The following SLC9A7 variants were observed in gnomAD, a reference collection of about 807,000 sequenced individuals.
The protein encoded by SLC9A7 is solute carrier family 9 member A7.
A neutral mutation model predicts 52.6 loss-of-function variants in SLC9A7; 19 were observed. The ratio of observed to expected loss-of-function variants is 0.36; its 90% CI spans 0.25 to 0.53. SLC9A7 has a LOEUF of 0.53. Among genes scored for constraint, SLC9A7 ranks in the 20% least tolerant of loss-of-function variants. SLC9A7 has a pLI of 0.91. For missense variants in SLC9A7, 455 were observed against 597.9 expected, an observed-to-expected ratio of 0.76 and a Z score of 2.49; for synonymous variants, 226 against 252.1, an observed-to-expected ratio of 0.90 and a Z score of 0.98.
chrX:46,725,707 A>T, intron 1 of SLC9A7: 2 of 1,188,734 alleles, frequency 1.7e-6, no homozygotes, highest in Non-Finnish European at 2.3e-6. Context: ...TCAGCATCCA[A>T]TCGAGAAATC....
chrX:46,628,247 G>A (rs749265640), intron 14 of SLC9A7, among the ~76,000 whole-genome samples: 1 of 112,709 alleles, frequency 8.9e-6, no homozygotes, highest in African/African-American at 3.2e-5. Context: ...AATCTCAGCT[G>A]TCTGGTCTGG....
intron 9 of SLC9A7, 45 bp downstream of exon 9, chrX:46,651,271 C>G (rs764295678): frequency 1.7e-6 from 2 of 1,182,363 alleles, no homozygotes; most frequent in Non-Finnish European, 2.3e-6. Context: ...GTTCCCCCTT[C>G]CCTGTGTTAA....
At chrX:46,630,484 G>A (rs1189940480) in intron 14 of SLC9A7, among the ~76,000 whole-genome samples, 1 of 112,393 alleles carries the variant, frequency 8.9e-6, no homozygotes, top group Non-Finnish European at 1.9e-5. Context: ...GCCAGCCACT[G>A]TGCTCAGCAC....
intron 3 of SLC9A7, among the ~76,000 whole-genome samples, chrX:46,673,265 T>C (rs1436652862): frequency 9.0e-6 from 1 of 111,394 alleles, no homozygotes; most frequent in Non-Finnish European, 1.9e-5. Flanking sequence ...GAAACACATA[T>C]CAATATCACA....
At chrX:46,737,283 A>G (rs985640302) in intron 1 of SLC9A7, among the ~76,000 whole-genome samples, 1 of 111,956 alleles carries the variant, frequency 8.9e-6, no homozygotes, top group Admixed American at 9.5e-5. Flanking sequence ...CTGGAGGAAA[A>G]GCCTGTAAGA....
intron 1 of SLC9A7, among the ~76,000 whole-genome samples, chrX:46,716,777 G>C (rs1374370109): frequency 8.9e-6 from 1 of 112,268 alleles, no homozygotes; most frequent in African/African-American, 3.2e-5. Flanking sequence ...AAGCTATTTT[G>C]ATCATAATGT....
chrX:46,750,300 G>T (rs970312171), intron 1 of SLC9A7, among the ~76,000 whole-genome samples: 1 of 111,205 alleles, frequency 9.0e-6, no homozygotes, highest in African/African-American at 3.3e-5. Flanking sequence ...CTTGACCTAG[G>T]TTTCAATTTC....
intron 1 of SLC9A7, among the ~76,000 whole-genome samples, chrX:46,744,356 T>C (rs1474864400): frequency 1.6e-4 from 18 of 112,713 alleles, no homozygotes; most frequent in Non-Finnish European, 7.5e-5. Context: ...AGGGTTCTAC[T>C]GGAACAATGA....
chrX:46,661,850 C>T (rs2146814643), intron 7 of SLC9A7, among the ~76,000 whole-genome samples, 166 bp downstream of exon 7: 1 of 111,948 alleles, frequency 8.9e-6, no homozygotes, highest in South Asian at 3.7e-4. Flanking sequence ...AGCTAGGGAC[C>T]CAACCGTCAT....
chrX:46,614,462 G>A (rs771578605), intron 15 of SLC9A7, among the ~76,000 whole-genome samples: 3 of 111,811 alleles, frequency 2.7e-5, no homozygotes, highest in Admixed American at 9.5e-5. Flanking sequence ...ACACTATATC[G>A]TAAAGTTGAA....
intron 1 of SLC9A7, among the ~76,000 whole-genome samples, chrX:46,755,908 G>A (rs1356853010): frequency 9.3e-6 from 1 of 107,553 alleles, no homozygotes; most frequent in African/African-American, 3.4e-5. Flanking sequence ...CTATTTCACA[G>A]CCATCTAGTT....
chrX:46,751,496 A>G (rs781859203), intron 1 of SLC9A7, among the ~76,000 whole-genome samples: 1 of 111,745 alleles, frequency 8.9e-6, no homozygotes, highest in East Asian at 2.8e-4. Flanking sequence ...TTAAGAATCA[A>G]ACAAAAAGTA....
intron 1 of SLC9A7, among the ~76,000 whole-genome samples, chrX:46,687,791 A>G (rs1191285247): frequency 8.9e-6 from 1 of 112,237 alleles, no homozygotes; most frequent in Non-Finnish European, 1.9e-5. Flanking sequence ...GAGTTGCACA[A>G]TCATCACTGC....
intron 1 of SLC9A7, among the ~76,000 whole-genome samples, chrX:46,756,109 C>G (rs1235255114): frequency 4.5e-5 from 5 of 110,893 alleles, no homozygotes; most frequent in African/African-American, 1.6e-4. Flanking sequence ...AACTTTTTCT[C>G]AAAATAAAGA....
At chrX:46,725,775 G>C (rs1174600289) in intron 1 of SLC9A7, 1 of 896,107 alleles carries the variant, frequency 1.1e-6, no homozygotes, top group African/African-American at 2.0e-5. Flanking sequence ...AGTCAGGCTG[G>C]GCAGTGGAGC....
intron 1 of SLC9A7, among the ~76,000 whole-genome samples, chrX:46,682,824 C>T (rs771245017): frequency 1.6e-4 from 17 of 109,418 alleles, no homozygotes; most frequent in East Asian, 1.2e-3. Flanking sequence ...AGTGGAGTCT[C>T]GCTCTCTCAC....
intron 1 of SLC9A7, among the ~76,000 whole-genome samples, chrX:46,711,279 T>C (rs1204577169): frequency 8.9e-6 from 1 of 112,740 alleles, no homozygotes; most frequent in East Asian, 2.8e-4. Flanking sequence ...CTTAATCCAA[T>C]CACTTCATAT....
intron 3 of SLC9A7, among the ~76,000 whole-genome samples, chrX:46,678,803 G>A (rs1166289901): frequency 9.0e-6 from 1 of 111,543 alleles, no homozygotes; most frequent in Non-Finnish European, 1.9e-5. Context: ...GTACAGAGAG[G>A]TCTCATGTAG....
intron 1 of SLC9A7, among the ~76,000 whole-genome samples, chrX:46,743,998 A>T (rs1416878583): frequency 2.7e-5 from 3 of 112,621 alleles, no homozygotes; most frequent in Non-Finnish European, 5.6e-5. Context: ...ACTTATAAGA[A>T]ATACATAAGT....
Sources: gnomAD v4.1 joint callset for allele counts (sites outside exome capture counted in the v4.1 genomes callset) on GRCh38, gnomAD v4.1.1 for gene constraint, MANE v1.5 for transcripts, NCBI Gene and HGNC (gene_info 2026-07-23, HGNC 2026-07-21) for gene names.